The following GRID2IP variants were observed in gnomAD, a reference collection of about 807,000 sequenced individuals.
GRID2IP encodes the protein Grid2 interacting protein, also known as delphilin.
A neutral mutation model predicts 114.3 loss-of-function variants in GRID2IP; 78 were observed. The observed-to-expected ratio is 0.68, with a 90% CI of 0.57 to 0.82. GRID2IP has a LOEUF of 0.82. Ranked by LOEUF, GRID2IP falls within the 40% of genes least tolerant of loss-of-function variation. The probability of loss-of-function intolerance (pLI) is 0.00; values close to 1 mark genes in which losing one functional copy is unlikely to be tolerated. For synonymous variants in GRID2IP, 809 were observed against 724.0 expected (o/e 1.12, Z -1.89); for missense variants, 1,727 against 1,678.5 (o/e 1.03, Z -0.51).
At chr7:6,543,421 G>A (rs887256491) in intron 1 of GRID2IP, among the ~76,000 whole-genome samples, 1 of 150,048 alleles carries the variant, frequency 6.7e-6, no homozygotes. Flanking sequence ...CCCCTTTGTA[G>A]TCAAGGCCAA....
intron 1 of GRID2IP, among the ~76,000 whole-genome samples, chr7:6,544,571 T>G (rs995780242): frequency 9.9e-5 from 15 of 152,088 alleles, no homozygotes; most frequent in African/African-American, 3.6e-4. Flanking sequence ...TGAGCCACTG[T>G]GCCCGGCCTG....
At position 6,526,680 on chromosome 7, in the gene GRID2IP, T is replaced by C. The variant is rs1376027311; in HGVS notation, c.674A>G (p.Gln225Arg). The C allele has an allele frequency of 2.7e-6, 4 of 1,473,846 alleles. No homozygotes were observed. The South Asian group carries it at 3.8e-5, about 14-fold the overall frequency. The allele number at this position is 1,473,846 out of a possible 1,614,324, so 91.3% of individuals were successfully genotyped here. A position where few individuals can be genotyped will look rare whatever the true frequency, so the allele number is the denominator to read the frequency against. ...GCTCCGGCGCAGTCGCTGCGCGCCCTGGGCCCGGCGTGCGCGGCACAGCTT... is the reference window on the plus strand; with the variant it reads ...GCTCCGGCGCAGTCGCTGCGCGCCCCGGGCCCGGCGTGCGCGGCACAGCTT... ...LGKLCRARRA[Q>R]GAQRLRRSRS... The change falls in exon 3 of 22, where the codon CAG becomes CGG. Residue 225 changes from glutamine (Q) to arginine (R), a missense_variant. Coordinates refer to ENST00000457091, the MANE Select transcript of GRID2IP (RefSeq NM_001145118.2). The surrounding 1 kb of genome is among the most constrained non-coding windows in gnomAD (Gnocchi z 7.6).
intron 20 of GRID2IP, among the ~76,000 whole-genome samples, chr7:6,501,521 G>T (rs1786414284): frequency 6.6e-6 from 1 of 152,174 alleles, no homozygotes; most frequent in South Asian, 2.1e-4. Flanking sequence ...GGGCAACATG[G>T]CAAAACCTTG....
chr7:6,521,666 G>T lies in GRID2IP; in HGVS notation c.990-143C>A. Reference sequence around the variant, plus strand: ...TCTGTGTCCCCAGCATGGAGCTGGAGTATTTTCTGGTTGGAAGGATGAACT... The same window carrying T: ...TCTGTGTCCCCAGCATGGAGCTGGATTATTTTCTGGTTGGAAGGATGAACT... On this transcript the variant is annotated intron_variant, in intron 5 of 21. Transcript: ENST00000457091. The surrounding 1 kb of genome is among the most constrained non-coding windows in gnomAD (Gnocchi z 4.1). 1 of 700,736 alleles carries T rather than the reference G, an allele frequency of 1.4e-6. No individual in the cohort carries two copies. The highest frequency in any genetic ancestry group is 2.4e-6 in the Non-Finnish European group (1 of 413,506). 43.4% of individuals were successfully genotyped at this position (700,736 alleles called of 1,614,324 possible).
Position 6,536,283 on chromosome 7 carries a change from G to A in GRID2IP, c.584+3435C>T, listed in dbSNP as rs909472317. Among the ~76,000 whole-genome samples, 49 of 152,340 alleles carry A rather than the reference G, an allele frequency of 3.2e-4. No homozygotes were observed. Among genetic ancestry groups the A allele is most frequent in the African/African-American group, 1.1e-3 (47 of 41,590 alleles). On this transcript the variant is annotated intron_variant, in intron 2 of 21. Transcript: ENST00000457091. The surrounding 1 kb of genome is among the most constrained non-coding windows in gnomAD (Gnocchi z 5.3). ...GCCCCTTCCTCCAGCAGCCTCCCCA[G>A]TTTTCCTGGCGCACTTGACACGCGC...
At chr7:6,533,507 T>C (rs183934608) in intron 2 of GRID2IP, among the ~76,000 whole-genome samples, 5 of 149,340 alleles carry the variant, frequency 3.3e-5, no homozygotes, top group Admixed American at 2.7e-4. Flanking sequence ...TACAGGCATG[T>C]ACCACTATGC....
rs1219624059 is a variant in GRID2IP, at chr7:6,510,718, T to G, written c.1556-12A>C. 4 of 1,546,114 alleles carry G rather than the reference T, an allele frequency of 2.6e-6. No homozygotes were observed. In the Admixed American group the frequency reaches 7.9e-5, roughly 31 times the overall value. On this transcript the variant is annotated splice_polypyrimidine_tract_variant and intron_variant, in intron 9 of 21. Coordinates refer to ENST00000457091, the MANE Select transcript of GRID2IP (RefSeq NM_001145118.2). ...GCACTCGCTGGGACCTACCGGGGAA[T>G]AATGTCATTACCGTATCTGAGCTCT...
At chr7:6,517,973 T>G (rs58161513) in intron 7 of GRID2IP, among the ~76,000 whole-genome samples, 118 of 150,910 alleles carry the variant, frequency 7.8e-4, no homozygotes, top group African/African-American at 2.8e-3. Context: ...GGCTCACACC[T>G]GTAATCCCAG....
At chr7:6,546,725 AAC>A (rs1248012713) in intron 1 of GRID2IP, among the ~76,000 whole-genome samples, 8 of 152,020 alleles carry the variant, frequency 5.3e-5, no homozygotes, top group Non-Finnish European at 1.0e-4. Flanking sequence ...CTTGCCAGAA[AAC>A]ACACTGCAGC....
intron 20 of GRID2IP, among the ~76,000 whole-genome samples, chr7:6,500,783 G>T (rs117581740): frequency 1.3e-5 from 2 of 152,226 alleles, no homozygotes; most frequent in African/African-American, 4.8e-5. Context: ...GAGCCAGAGA[G>T]GGGGAGCAGC....
Position 6,509,106 on chromosome 7 carries a change from CGGGT to C in GRID2IP, c.1975_1978del (p.Thr659AlafsTer27), listed in dbSNP as rs1308938396. The C allele has an allele frequency of 9.6e-6, 3 of 313,782 alleles. No homozygotes were observed. Among genetic ancestry groups the C allele is most frequent in the African/African-American group, 4.8e-5 (2 of 42,100 alleles). The allele number at this position is 313,782 out of a possible 1,614,324, so 19.4% of individuals were successfully genotyped here. On this transcript the variant is annotated frameshift_variant, in exon 12 of 22. Transcript: ENST00000457091. LOFTEE classifies it high-confidence loss of function. The surrounding 1 kb of genome is among the most constrained non-coding windows in gnomAD (Gnocchi z 4.9). Reference sequence around the variant, plus strand: ...GAAGAGCTTCCTGCGGCTGGGCGGGCGGGTGGGGTCCGGGCTTGGGGGGCTGTCG... The same window carrying C: ...GAAGAGCTTCCTGCGGCTGGGCGGGCGGGGTCCGGGCTTGGGGGGCTGTCG...
In GRID2IP at chr7:6,535,600, T is replaced by C. The variant is rs138138756; in HGVS notation, c.584+4118A>G. Among the ~76,000 whole-genome samples, 230 of 152,288 alleles carry C rather than the reference T, an allele frequency of 1.5e-3. 3 individuals are homozygous for C. In the East Asian group the frequency reaches 0.039, roughly 26 times the overall value. On this transcript the variant is annotated intron_variant, in intron 2 of 21. Transcript: ENST00000457091. ...TTACCTCTTGGTGGGGCACAGTGGCTCACACCTGTAATCCCAGCACTTTGG... is the reference window on the plus strand; with the variant it reads ...TTACCTCTTGGTGGGGCACAGTGGCCCACACCTGTAATCCCAGCACTTTGG...
Position 6,508,391 on chromosome 7 carries a change from T to C in GRID2IP, c.2138A>G (p.His713Arg), listed in dbSNP as rs868318942. Residue 713 changes from histidine to arginine, a missense_variant, in exon 13 of 22, where the codon CAT (histidine) becomes CGT (arginine). Coordinates refer to ENST00000457091, the MANE Select transcript of GRID2IP (RefSeq NM_001145118.2). The surrounding 1 kb of genome is among the most constrained non-coding windows in gnomAD (Gnocchi z 5.6). ...PENDYEEMSF[H>R]DDQGSFVTNE... ...GGTTACGAAGCTGCCCTGGTCATCA[T>C]GGAAGCTCATCTGGTGGTGGGGAGA... The C allele has an allele frequency of 5.1e-5, 79 of 1,551,092 alleles. 1 individual carries two copies. In the African/African-American group the frequency reaches 8.4e-4, roughly 16 times the overall value.
chr7:6,521,835 A>G lies in GRID2IP; in HGVS notation c.989+53T>C. On this transcript the variant is annotated intron_variant, in intron 5 of 21. Transcript: ENST00000457091. The surrounding 1 kb of genome is among the most constrained non-coding windows in gnomAD (Gnocchi z 4.1). Reference sequence around the variant, plus strand: ...GTGCCCCAAGAGGCAGGAGTCTTGCAGGGGGTGGGGGCAGCTCCTCACCAA... The same window carrying G: ...GTGCCCCAAGAGGCAGGAGTCTTGCGGGGGGTGGGGGCAGCTCCTCACCAA... 1 of 1,355,566 alleles carries G rather than the reference A, an allele frequency of 7.4e-7. No individual in the cohort carries two copies. Among genetic ancestry groups the G allele is most frequent in the Non-Finnish European group, 1.0e-6 (1 of 969,654 alleles). The allele number at this position is 1,355,566 out of a possible 1,614,324, so 84.0% of individuals were successfully genotyped here. A position where few individuals can be genotyped will look rare whatever the true frequency, so the allele number is the denominator to read the frequency against.
rs1445111121 is a variant in GRID2IP at position 6,498,074 on chromosome 7, C to G, written c.3554G>C (p.Ser1185Thr). 1 of 1,550,094 alleles carries G rather than the reference C, an allele frequency of 6.5e-7. No individual in the cohort carries two copies. Among genetic ancestry groups the G allele is most frequent in the African/African-American group, 1.4e-5 (1 of 73,100 alleles). Residue 1185 changes from serine to threonine, a missense_variant, in exon 21 of 22, where the codon AGC becomes ACC. Ser to Thr is a moderately conservative substitution (Grantham distance 58). Transcript: ENST00000457091. ...TCCAGCGAGGCTCACCTCGAATTTG[C>G]TCATGAACTCTGCAAAGATGCCGAA... ...AFFGIFAEFM[S>T]KFERALSDLQ... is the part of the protein sequence containing the mutation.
chr7:6,550,939 C>G, intron 1 of GRID2IP, 69 bp downstream of exon 1: 1 of 1,195,560 alleles, frequency 8.4e-7, no homozygotes, highest in Non-Finnish European at 1.0e-6. Context: ...AGAGCGGCGC[C>G]CGGCCCACTC....
At chr7:6,518,084 C>G (rs1166024338) in intron 7 of GRID2IP, among the ~76,000 whole-genome samples, 1 of 150,786 alleles carries the variant, frequency 6.6e-6, no homozygotes, top group Non-Finnish European at 1.5e-5. Context: ...AAAAAATTAG[C>G]TGGGCATGGT....
At chr7:6,498,633 G>A (rs778974590) in intron 20 of GRID2IP, among the ~76,000 whole-genome samples, 4 of 138,454 alleles carry the variant, frequency 2.9e-5, no homozygotes, top group Admixed American at 2.3e-4. Flanking sequence ...AGCCTGGAGT[G>A]CAGTGGTGTG....
intron 2 of GRID2IP, among the ~76,000 whole-genome samples, chr7:6,539,393 C>T (rs993157559): frequency 5.9e-5 from 9 of 152,234 alleles, no homozygotes; most frequent in African/African-American, 1.4e-4. Flanking sequence ...TCCCAAAGCA[C>T]GTGGATTACA....
Sources: allele counts gnomAD v4.1 joint callset (sites outside exome capture counted in the v4.1 genomes callset), GRCh38; gene constraint gnomAD v4.1.1; non-coding constraint Gnocchi (gnomAD v3.1); transcripts MANE v1.5; gene names NCBI Gene and HGNC (gene_info 2026-07-23, HGNC 2026-07-21).